RPS6KC1: variants seen among roughly 807,000 people sequenced by gnomAD.
RPS6KC1 encodes the protein inactive ribosomal protein S6 kinase delta-1.
In RPS6KC1, 54 loss-of-function variants were observed where a neutral mutation model predicts 103.8. That is an observed-to-expected ratio of 0.52 (90% CI 0.42 to 0.65). The LOEUF is 0.65. Ranked by LOEUF, RPS6KC1 falls within the 30% of genes least tolerant of loss-of-function variation. The probability of loss-of-function intolerance (pLI) is 0.00; values close to 1 mark genes in which losing one functional copy is unlikely to be tolerated. For missense variants in RPS6KC1, 1,151 were observed against 1,253.8 expected (o/e 0.92, Z 1.24); for synonymous variants, 439 against 438.7 (o/e 1.00, Z -0.01).
chr1:213,361,351 T>G, the RPS6KC1 span, among the ~76,000 whole-genome samples: 38 of 152,374 alleles, frequency 2.5e-4, no homozygotes, highest in South Asian at 2.3e-3. Context: ...TGGGACCCTC[T>G]GAACCAGGAG....
At chr1:213,188,299 T>G (rs1021146294) in intron 8 of RPS6KC1, among the ~76,000 whole-genome samples, 5 of 151,900 alleles carry the variant, frequency 3.3e-5, no homozygotes, top group African/African-American at 1.2e-4. Flanking sequence ...TATAGAAATG[T>G]AGTTGGGTGG....
downstream of RPS6KC1, among the ~76,000 whole-genome samples, chr1:213,277,842 C>G (rs899458761): frequency 1.3e-5 from 2 of 152,170 alleles, no homozygotes; most frequent in Non-Finnish European, 2.9e-5. Flanking sequence ...TTTAGAATTG[C>G]TGGCATCTTG....
At chr1:213,172,574 C>T (rs778931666) in intron 7 of RPS6KC1, among the ~76,000 whole-genome samples, 38 of 152,214 alleles carry the variant, frequency 2.5e-4, no homozygotes, top group Non-Finnish European at 4.4e-4. Flanking sequence ...GATCGTGTCA[C>T]TGCACTCCAG....
At chr1:213,400,700 T>A in the RPS6KC1 span, among the ~76,000 whole-genome samples, 1 of 151,932 alleles carries the variant, frequency 6.6e-6, no homozygotes, top group African/African-American at 2.4e-5. Flanking sequence ...GCCTGCCTTT[T>A]TTCTTTCTCT....
At chr1:213,329,388 G>C in the RPS6KC1 span, among the ~76,000 whole-genome samples, 1 of 152,074 alleles carries the variant, frequency 6.6e-6, no homozygotes, top group African/African-American at 2.4e-5. Flanking sequence ...GAGAAGGCCA[G>C]AGCAGGCCCC....
chr1:213,234,517 T>C (rs916487170), intron 10 of RPS6KC1, among the ~76,000 whole-genome samples: 2 of 152,122 alleles, frequency 1.3e-5, no homozygotes, highest in Non-Finnish European at 2.9e-5. Context: ...GAAACAATCA[T>C]TTGAATGTAA....
chr1:213,522,483 C>G, the RPS6KC1 span, among the ~76,000 whole-genome samples: 4 of 152,168 alleles, frequency 2.6e-5, no homozygotes, highest in Admixed American at 2.6e-4. Flanking sequence ...AGAGAGTCAG[C>G]CTGTGTTTTG....
chr1:213,220,365 C>T (rs143489978), intron 8 of RPS6KC1, among the ~76,000 whole-genome samples: 126 of 152,304 alleles, frequency 8.3e-4, no homozygotes, highest in Middle Eastern at 3.4e-3. Context: ...CTCGCTCTGT[C>T]ACCCAGGGTG....
At chr1:213,164,170 T>G (rs1348678225) in intron 6 of RPS6KC1, among the ~76,000 whole-genome samples, 1 of 152,222 alleles carries the variant, frequency 6.6e-6, no homozygotes, top group African/African-American at 2.4e-5. Context: ...AGAGAAGAGA[T>G]ATATTTCTTA....
At chr1:213,530,032 T>TTTATTA in the RPS6KC1 span, among the ~76,000 whole-genome samples, 5,525 of 149,052 alleles carry the variant, frequency 0.037, 324 homozygotes, top group African/African-American at 0.12. Flanking sequence ...CTTCACTTCT[T>TTTATTA]TTATTATTAT....
At chr1:213,367,254 A>T in the RPS6KC1 span, among the ~76,000 whole-genome samples, 1 of 152,222 alleles carries the variant, frequency 6.6e-6, no homozygotes, top group African/African-American at 2.4e-5. Context: ...GGGTGAATAC[A>T]TCACAATGCT....
At chr1:213,420,086 T>G in the RPS6KC1 span, among the ~76,000 whole-genome samples, 1 of 152,132 alleles carries the variant, frequency 6.6e-6, no homozygotes. Flanking sequence ...GCTCTTCAAT[T>G]TATCAGTATT....
the RPS6KC1 span, among the ~76,000 whole-genome samples, chr1:213,308,774 T>C: frequency 6.6e-6 from 1 of 152,210 alleles, no homozygotes; most frequent in Non-Finnish European, 1.5e-5. Flanking sequence ...ACCCTGCCCA[T>C]TGGGTCAATA....
the RPS6KC1 span, among the ~76,000 whole-genome samples, chr1:213,756,143 A>G: frequency 6.6e-6 from 1 of 152,184 alleles, no homozygotes; most frequent in African/African-American, 2.4e-5. Context: ...GAGCTTGAAC[A>G]CTGTTTTGTA....
At chr1:213,413,539 T>G in the RPS6KC1 span, among the ~76,000 whole-genome samples, 3 of 148,996 alleles carry the variant, frequency 2.0e-5, no homozygotes, top group Non-Finnish European at 2.9e-5. Flanking sequence ...CCAAAATAGT[T>G]CACTCATGTG....
chr1:213,556,930 G>C, the RPS6KC1 span, among the ~76,000 whole-genome samples: 1 of 152,112 alleles, frequency 6.6e-6, no homozygotes, highest in Non-Finnish European at 1.5e-5. Context: ...ATCCAGGTGG[G>C]GTGGGGGGTT....
the RPS6KC1 span, among the ~76,000 whole-genome samples, chr1:213,436,452 T>C: frequency 6.6e-6 from 1 of 152,224 alleles, no homozygotes; most frequent in Non-Finnish European, 1.5e-5. Flanking sequence ...CAGGATAATA[T>C]TGTTTTTTCA....
chr1:213,791,264 C>G, the RPS6KC1 span, among the ~76,000 whole-genome samples: 1 of 152,042 alleles, frequency 6.6e-6, no homozygotes, highest in Admixed American at 6.6e-5. Flanking sequence ...TTGAATAACT[C>G]TTATAGAATT....
the RPS6KC1 span, among the ~76,000 whole-genome samples, chr1:213,503,513 T>C: frequency 3.9e-5 from 6 of 152,198 alleles, no homozygotes; most frequent in Non-Finnish European, 7.3e-5. Context: ...GGTTGACATA[T>C]GTAGTACACT....
Sources: gnomAD v4.1 joint callset for allele counts (sites outside exome capture counted in the v4.1 genomes callset) on GRCh38, gnomAD v4.1.1 for gene constraint, MANE v1.5 for transcripts, NCBI Gene and HGNC (gene_info 2026-07-23, HGNC 2026-07-21) for gene names.